MYO15A: variants seen among roughly 807,000 people sequenced by gnomAD.
MYO15A encodes myosin XVA.
In MYO15A, 308 loss-of-function variants were observed where a neutral mutation model predicts 394.6. The observed-to-expected ratio is 0.78, with a 90% CI of 0.71 to 0.86. MYO15A has a LOEUF of 0.86. Among genes scored for constraint, MYO15A ranks in the 40% least tolerant of loss-of-function variants. The probability of loss-of-function intolerance (pLI) is 0.00; values close to 1 mark genes in which losing one functional copy is unlikely to be tolerated. For synonymous variants in MYO15A, 1,957 were observed against 2,003.8 expected (o/e 0.98, Z 0.62); for missense variants, 4,606 against 4,799.1 (o/e 0.96, Z 1.19).
Position 18,150,356 on chromosome 17 carries a change from T to C in MYO15A, c.7213-73T>C. ...CGAGAGGGTGGGGAAGAGGCCAGTG[T>C]CAGGTGCCTGTTGCCATGGAACCTT... On this transcript the variant is annotated intron_variant, in intron 35 of 65. Coordinates refer to ENST00000647165, the MANE Select transcript of MYO15A (RefSeq NM_016239.4). The surrounding 1 kb of genome is among the most constrained non-coding windows in gnomAD (Gnocchi z 4.4). The C allele has an allele frequency of 2.2e-6, 3 of 1,370,842 alleles. No homozygotes were observed. Among genetic ancestry groups the C allele is most frequent in the Middle Eastern group, 1.8e-4 (1 of 5,640 alleles). 84.9% of individuals were successfully genotyped at this position (1,370,842 alleles called of 1,614,324 possible).
In MYO15A at chr17:18,119,327, C is replaced by T. The variant is rs1455573446; in HGVS notation, c.527C>T (p.Ser176Leu). 3.7e-6 allele frequency: 6 copies of T among 1,609,796 alleles called. No individual in the cohort carries two copies. Among genetic ancestry groups the T allele is most frequent in the African/African-American group, 1.3e-5 (1 of 74,876 alleles). ...GGCTCCCGCAAACTCCCCTTCCCGT[C>T]GGGTGCCGAGATCCTGCGGCCTGGG... Reference protein sequence around the residue: ...RMGSRKLPFPSGAEILRPGGR... With the variant: ...RMGSRKLPFPLGAEILRPGGR... The change falls in exon 2 of 66, where the codon TCG becomes TTG. Residue 176 changes from serine to leucine, a missense_variant. Ser to Leu is a moderately radical substitution (Grantham distance 145). Coordinates refer to ENST00000647165, the MANE Select transcript of MYO15A (RefSeq NM_016239.4).
chr17:18,116,218 A>G (rs756299296), intron 1 of MYO15A, among the ~76,000 whole-genome samples: 1 of 152,360 alleles, frequency 6.6e-6, no homozygotes, highest in East Asian at 1.9e-4. Flanking sequence ...TTGGAGGCCC[A>G]GCTGGGCTCT....
chr17:18,121,266 G>A lies in MYO15A; in HGVS notation c.2466G>A (p.Glu822=), dbSNP rs1381716009. 11 of 1,446,266 alleles carry A rather than the reference G, an allele frequency of 7.6e-6. No individual in the cohort carries two copies. Among genetic ancestry groups the A allele is most frequent in the Non-Finnish European group, 9.1e-6 (10 of 1,103,996 alleles). 89.6% of individuals were successfully genotyped at this position (1,446,266 alleles called of 1,614,324 possible). The part of the protein sequence containing the change: ...PPARRPRSLQ[E]SPAPRRAAGR... ...CCCGCCGGCCCCGCTCGCTGCAGGA[G>A]TCCCCAGCCCCACGCCGAGCCGCTG... The change falls in exon 2 of 66, where the codon GAG becomes GAA. Residue 822 remains glutamate (E), a synonymous_variant. Transcript: ENST00000647165. This position sits in a 1 kb window ranked among gnomAD's most constrained non-coding sequence, Gnocchi z 5.3.
intron 12 of MYO15A, among the ~76,000 whole-genome samples, chr17:18,134,387 C>CT (rs1325416400): frequency 1.3e-5 from 2 of 152,162 alleles, no homozygotes; most frequent in African/African-American, 4.8e-5. Flanking sequence ...AAATTTTAAA[C>CT]TTTTTCATTT....
rs202096860 is a variant in MYO15A, at chr17:18,166,454, G to A, written c.9881G>A (p.Arg3294Gln). The A allele has an allele frequency of 8.7e-6, 14 of 1,614,026 alleles. No homozygotes were observed. In the African/African-American group the frequency reaches 9.3e-5, roughly 11 times the overall value. The part of the protein sequence containing the change: ...QVDGGYMLWF[R>Q]RVLWDQPLKF... ...GACGGCGGCTACATGCTCTGGTTCC[G>A]GCGTGTGCTCTGGGATCAGCCACTC... Residue 3294 changes from arginine to glutamine, a missense_variant, in exon 61 of 66, where the codon CGG becomes CAG. Arg to Gln is a conservative substitution (Grantham distance 43). Transcript: ENST00000647165.
At position 18,139,630 on chromosome 17, in the gene MYO15A, C is replaced by T. The variant is rs775365308; in HGVS notation, c.5211+19C>T. On this transcript the variant is annotated intron_variant, in intron 19 of 65. Coordinates refer to ENST00000647165, the MANE Select transcript of MYO15A (RefSeq NM_016239.4). ...GACACGGGTAAGCCTCGCCTCCCAC[C>T]GCTCTGGCCCTGCCCCCAGGCATGT... The T allele has an allele frequency of 1.7e-5, 27 of 1,612,786 alleles. No homozygotes were observed. The highest frequency in any genetic ancestry group is 1.0e-4 in the Admixed American group (6 of 59,906).
chr17:18,158,715 C>A, intron 52 of MYO15A, 77 bp downstream of exon 52: 1 of 1,545,610 alleles, frequency 6.5e-7, no homozygotes, highest in South Asian at 1.1e-5. Context: ...TGCAGGCTGT[C>A]AGTCTCGGAG....
Position 18,148,660 on chromosome 17 carries a change from A to T in MYO15A, c.6764+92A>T. On this transcript the variant is annotated intron_variant, in intron 32 of 65. Coordinates refer to ENST00000647165, the MANE Select transcript of MYO15A (RefSeq NM_016239.4). The surrounding 1 kb of genome is among the most constrained non-coding windows in gnomAD (Gnocchi z 4.8). Reference sequence around the variant, plus strand: ...TCCCCCAGAGGGTCCCATAGGGTCCATTCTGTTCATGTTTAGGGTCTGGCT... The same window carrying T: ...TCCCCCAGAGGGTCCCATAGGGTCCTTTCTGTTCATGTTTAGGGTCTGGCT... The T allele has an allele frequency of 6.5e-7, 1 of 1,543,126 alleles. No homozygotes were observed.
In MYO15A at chr17:18,141,783, C is replaced by T. The variant is rs539268741; in HGVS notation, c.5649+13C>T. Reference sequence around the variant, plus strand: ...TGGGGTCAGCAAGGTGAGTCCTGCCCGACAGTCAGCCCTTGGAGACCCCAA... The same window carrying T: ...TGGGGTCAGCAAGGTGAGTCCTGCCTGACAGTCAGCCCTTGGAGACCCCAA... On this transcript the variant is annotated intron_variant, in intron 23 of 65. Coordinates refer to ENST00000647165, the MANE Select transcript of MYO15A (RefSeq NM_016239.4). 23 of 1,613,232 alleles carry T rather than the reference C, an allele frequency of 1.4e-5. No homozygotes were observed. Among genetic ancestry groups the T allele is most frequent in the South Asian group, 1.2e-4 (11 of 91,030 alleles).
chr17:18,138,556 A>C (rs2142327214), intron 17 of MYO15A, among the ~76,000 whole-genome samples: 1 of 152,328 alleles, frequency 6.6e-6, no homozygotes, highest in South Asian at 2.1e-4. Context: ...AATAGAGTGC[A>C]AAGGCAGTTG....
At position 18,136,600 on chromosome 17, in the gene MYO15A, A is replaced by G. The variant is rs773782334; in HGVS notation, c.4693A>G (p.Ser1565Gly). The change falls in exon 15 of 66, where the codon AGC becomes GGC. Residue 1565 changes from serine (S) to glycine (G), a missense_variant. Around this residue, in one of 2 missense-constraint regions of MYO15A, gnomAD observed 2,776 missense variants for 3,109.3 expected, o/e 0.89. Coordinates refer to ENST00000647165, the MANE Select transcript of MYO15A (RefSeq NM_016239.4). Reference protein sequence around the residue: ...IAKVLYALLFSWLITRVNALV... With the variant: ...IAKVLYALLFGWLITRVNALV... Reference sequence around the variant, plus strand: ...CAAGGTCTTGTATGCACTGCTGTTCAGCTGGCTCATCACCAGGGTCAACGC... The same window carrying G: ...CAAGGTCTTGTATGCACTGCTGTTCGGCTGGCTCATCACCAGGGTCAACGC... 1 of 1,613,982 alleles carries G rather than the reference A, an allele frequency of 6.2e-7. No individual in the cohort carries two copies. Among genetic ancestry groups the G allele is most frequent in the Non-Finnish European group, 8.5e-7 (1 of 1,180,020 alleles).
Position 18,158,601 on chromosome 17 carries a change from G to A in MYO15A, c.9046G>A (p.Ala3016Thr). 6.2e-7 allele frequency: 1 copy of A among 1,614,194 alleles called. No individual in the cohort carries two copies. Among genetic ancestry groups the A allele is most frequent in the Non-Finnish European group, 8.5e-7 (1 of 1,180,020 alleles). Residue 3016 changes from alanine to threonine, a missense_variant, in exon 52 of 66, where the codon GCC becomes ACC. This residue lies in a region of MYO15A where 2,776 missense variants were observed against 3,109.3 expected (regional missense o/e 0.89). Transcript: ENST00000647165. ...ALPPYTMLEFAQKYFRDPQRR... is the reference protein window; with the variant it reads ...ALPPYTMLEFTQKYFRDPQRR... ...CCCACCCTACACAATGCTCGAGTTT[G>A]CCCAGAAGTATTTCCGAGACCCTCA...
chr17:18,147,963 C>G lies in MYO15A; in HGVS notation c.6510-66C>G, dbSNP rs549730178. On this transcript the variant is annotated intron_variant, in intron 30 of 65. Transcript: ENST00000647165. This position sits in a 1 kb window ranked among gnomAD's most constrained non-coding sequence, Gnocchi z 4.4. ...GCCTCAGAATTTCCTACCCCCACCC[C>G]GCAGCCCTCAGCCCCAAGCTAGCTT... The G allele has an allele frequency of 6.3e-7, 1 of 1,598,084 alleles. No individual in the cohort carries two copies. Among genetic ancestry groups the G allele is most frequent in the Non-Finnish European group, 8.6e-7 (1 of 1,166,526 alleles).
rs919849103 is a variant in MYO15A at position 18,163,369 on chromosome 17, C to A, written c.9690+48C>A. 5.1e-6 allele frequency: 8 copies of A among 1,579,178 alleles called. No homozygotes were observed. In the African/African-American group the frequency reaches 6.7e-5, roughly 13 times the overall value. On this transcript the variant is annotated intron_variant, in intron 59 of 65. Coordinates refer to ENST00000647165, the MANE Select transcript of MYO15A (RefSeq NM_016239.4). ...CAGCCAGGTACTGGAGGGGCAGGGA[C>A]AAGGACAGCCCAGGCTCCAGGATGG...
chr17:18,170,329 TTTTTA>T (rs139072222), intron 62 of MYO15A, among the ~76,000 whole-genome samples: 88,745 of 145,792 alleles, frequency 0.61, 27,575 homozygotes, highest in African/African-American at 0.7. Context: ...AAGCTCCTTA[TTTTTA>T]TTTTATTTTA....
rs1445824555 is a variant in MYO15A, at chr17:18,133,506, TTTC to T, written c.4482+123_4482+125del. 3.9e-5 allele frequency: 53 copies of T among 1,352,358 alleles called. No individual in the cohort carries two copies. In the African/African-American group the frequency reaches 6.9e-4, roughly 18 times the overall value. 83.8% of individuals were successfully genotyped at this position (1,352,358 alleles called of 1,614,324 possible). On this transcript the variant is annotated intron_variant, in intron 12 of 65. Transcript: ENST00000647165. ...TGCACATATCACTTGTTCCTGTTTT[TTTC>T]TTTTTTCCTTTGGGGTTGTTCATCT...
chr17:18,124,279 G>C (rs2045991335), intron 2 of MYO15A: 3 of 643,988 alleles, frequency 4.7e-6, no homozygotes, highest in Non-Finnish European at 8.5e-6. Flanking sequence ...GGGCACTGAG[G>C]GTATGCGTGT....
intron 52 of MYO15A, 131 bp downstream of exon 52, chr17:18,158,769 G>C: frequency 7.2e-7 from 1 of 1,392,676 alleles, no homozygotes; most frequent in Non-Finnish European, 1.0e-6. Context: ...CCAGGTGTGA[G>C]GCTCATTTCA....
chr17:18,138,791 G>C lies in MYO15A; in HGVS notation c.5008-20G>C, dbSNP rs764208138. 1 of 1,613,168 alleles carries C rather than the reference G, an allele frequency of 6.2e-7. No individual in the cohort carries two copies. The highest frequency in any genetic ancestry group is 8.5e-7 in the Non-Finnish European group (1 of 1,179,708). ...TGTCCAGGCCTCCTGCCCACCCACT[G>C]ATCCCTAAATTGCCCCCAGGCTACA... On this transcript the variant is annotated intron_variant, in intron 17 of 65. Coordinates refer to ENST00000647165, the MANE Select transcript of MYO15A (RefSeq NM_016239.4).
Sources: allele counts gnomAD v4.1 joint callset (sites outside exome capture counted in the v4.1 genomes callset), GRCh38; gene constraint gnomAD v4.1.1; regional missense constraint gnomAD v4.1.1; non-coding constraint Gnocchi (gnomAD v3.1); transcripts MANE v1.5; gene names NCBI Gene and HGNC (gene_info 2026-07-23, HGNC 2026-07-21).